C2CD3: variants seen among roughly 807,000 people sequenced by gnomAD.
C2CD3 encodes the protein C2 domain containing 3 centriole elongation regulator.
Under a neutral mutation model 234.0 loss-of-function variants are expected in C2CD3, and 148 were observed. That is an observed-to-expected ratio of 0.63 (90% confidence interval 0.55 to 0.72). The LOEUF is 0.72. Among genes scored for constraint, C2CD3 ranks in the 30% least tolerant of loss-of-function variants. The probability of loss-of-function intolerance (pLI) is 0.00; values close to 1 mark genes in which losing one functional copy is unlikely to be tolerated. For missense variants in C2CD3, 2,577 were observed against 2,811.5 expected (o/e 0.92, Z 1.89); for synonymous variants, 1,000 against 1,035.4 (o/e 0.97, Z 0.66).
chr11:74,168,667 A>G (rs899764790), intron 1 of C2CD3, 54 bp from the exon 2 acceptor site: 25 of 1,480,878 alleles, frequency 1.7e-5, no homozygotes, highest in Admixed American at 7.7e-5. Flanking sequence ...TATAGAAAAC[A>G]TATAATATGC....
chr11:74,113,743 G>A (rs1026364682), intron 11 of C2CD3, 37 bp downstream of exon 11: 1 of 1,116,564 alleles, frequency 9.0e-7, no homozygotes. Context: ...TCCAAAGTCA[G>A]AATGTCTAAG....
chr11:74,062,725 A>C (rs1954305473), intron 24 of C2CD3, among the ~76,000 whole-genome samples: 1 of 151,912 alleles, frequency 6.6e-6, no homozygotes, highest in Non-Finnish European at 1.5e-5. Flanking sequence ...CTGGAGAAGC[A>C]AGAGCAAACA....
At chr11:74,084,852 A>G (rs1417317259) in intron 22 of C2CD3, 29 bp downstream of exon 22, 2 of 1,340,850 alleles carry the variant, frequency 1.5e-6, no homozygotes, top group Non-Finnish European at 2.1e-6. Context: ...AAAGGGTGGC[A>G]TCAGAAAGTG....
At chr11:74,167,431 A>AT (rs977287552) in intron 2 of C2CD3, among the ~76,000 whole-genome samples, 20 of 152,254 alleles carry the variant, frequency 1.3e-4, no homozygotes, top group Admixed American at 9.8e-4. Flanking sequence ...AATTTTTTGG[A>AT]TTTTTTGTAA....
At chr11:74,013,790 C>G (rs699139) in intron 32 of C2CD3, among the ~76,000 whole-genome samples, 1 of 152,120 alleles carries the variant, frequency 6.6e-6, no homozygotes, top group Admixed American at 6.5e-5. Flanking sequence ...AGAGCTGGGA[C>G]GTGAACCCCA....
chr11:74,093,784 C>G, intron 18 of C2CD3, 32 bp downstream of exon 18: 1 of 1,580,506 alleles, frequency 6.3e-7, no homozygotes, highest in African/African-American at 1.3e-5. Context: ...CACTTCCTTC[C>G]TAGGCATAGG....
chr11:74,030,218 C>T (rs562680469), intron 31 of C2CD3, among the ~76,000 whole-genome samples: 5 of 152,074 alleles, frequency 3.3e-5, no homozygotes, highest in Non-Finnish European at 5.9e-5. Context: ...CTTTTTGTGC[C>T]GCAATTTCTC....
intron 3 of C2CD3, among the ~76,000 whole-genome samples, chr11:74,146,090 C>T (rs1050063168): frequency 1.3e-5 from 2 of 151,964 alleles, no homozygotes; most frequent in East Asian, 3.8e-4. Context: ...ATAATGAAAA[C>T]TGAATAAACA....
chr11:74,014,453 A>C (rs1367972735), intron 32 of C2CD3, among the ~76,000 whole-genome samples: 2 of 152,138 alleles, frequency 1.3e-5, no homozygotes, highest in Non-Finnish European at 2.9e-5. Flanking sequence ...CACTGAGAAG[A>C]AGCTTGGTGG....
chr11:74,125,296 T>C (rs1957372345), intron 7 of C2CD3, among the ~76,000 whole-genome samples: 1 of 152,128 alleles, frequency 6.6e-6, no homozygotes, highest in Non-Finnish European at 1.5e-5. Flanking sequence ...TCCCTAGTAG[T>C]AGCTAGGATT....
chr11:74,089,667 T>C (rs1955801498), intron 20 of C2CD3, among the ~76,000 whole-genome samples: 3 of 152,186 alleles, frequency 2.0e-5, no homozygotes, highest in Non-Finnish European at 4.4e-5. Context: ...TCTTTCTTAC[T>C]GGGTGCCTGT....
chr11:74,158,022 C>T (rs186190032), intron 3 of C2CD3, among the ~76,000 whole-genome samples: 81 of 152,288 alleles, frequency 5.3e-4, no homozygotes, highest in African/African-American at 1.8e-3. Context: ...TCTCATCATA[C>T]ATAAAAATAA....
intron 22 of C2CD3, among the ~76,000 whole-genome samples, chr11:74,083,904 A>C (rs1955516178): frequency 6.6e-6 from 1 of 152,182 alleles, no homozygotes; most frequent in South Asian, 2.1e-4. Context: ...AAGGATCTAG[A>C]AATAGAATTA....
At chr11:74,158,591 G>A (rs1176018651) in intron 3 of C2CD3, among the ~76,000 whole-genome samples, 3 of 151,930 alleles carry the variant, frequency 2.0e-5, no homozygotes, top group Non-Finnish European at 2.9e-5. Flanking sequence ...GCGTGTTGGT[G>A]CATGCCTGTA....
chr11:74,016,236 G>A (rs1422712088), intron 32 of C2CD3, among the ~76,000 whole-genome samples: 1 of 152,220 alleles, frequency 6.6e-6, no homozygotes, highest in Non-Finnish European at 1.5e-5. Flanking sequence ...AACAATCACA[G>A]AGATGAAGCT....
chr11:74,061,586 C>T (rs1954251423), intron 24 of C2CD3, among the ~76,000 whole-genome samples: 1 of 152,144 alleles, frequency 6.6e-6, no homozygotes, highest in Non-Finnish European at 1.5e-5. Flanking sequence ...AGATTTTTCT[C>T]ACCACCAGGC....
intron 32 of C2CD3, among the ~76,000 whole-genome samples, chr11:74,020,810 T>C (rs985946789): frequency 6.6e-6 from 1 of 152,228 alleles, no homozygotes; most frequent in African/African-American, 2.4e-5. Flanking sequence ...CCAGCTCTAG[T>C]TCTCCTATTC....
rs747838487 is a variant in C2CD3, at chr11:74,037,570, A to G, written c.5789T>C (p.Leu1930Pro). 7.4e-6 allele frequency: 12 copies of G among 1,614,152 alleles called. No individual in the cohort carries two copies. Among genetic ancestry groups the G allele is most frequent in the Admixed American group, 1.7e-5 (1 of 60,030 alleles). Residue 1930 changes from leucine to proline, a missense_variant, in exon 30 of 33, where the codon CTT (leucine) becomes CCT (proline). Transcript: ENST00000334126. ...GTCTAGGCTGCTGGCACCTGGCCCA[A>G]GATGGTCCCTACAGCTCTCCTGGTG... ...SQHQESCRDHLGPGASSLDPG... is the reference protein window; with the variant it reads ...SQHQESCRDHPGPGASSLDPG...
In C2CD3 at chr11:74,083,823, G is replaced by GA. The variant is rs1955510623; in HGVS notation, c.4000+1057dup. Among the ~76,000 whole-genome samples the GA allele has an allele frequency of 2.6e-5, 4 of 152,282 alleles. No homozygotes were observed. The South Asian group carries it at 6.2e-4, about 24-fold the overall frequency. ...TGCTGGAGAGGATGTGGAGAAATAG[G>GA]AACGCTTTTACACTGTTGGTGGGAG... On this transcript the variant is annotated intron_variant, in intron 22 of 32. Coordinates refer to ENST00000334126, the MANE Select transcript of C2CD3 (RefSeq NM_001286577.2).
Sources: gnomAD v4.1 joint callset for allele counts (sites outside exome capture counted in the v4.1 genomes callset) on GRCh38, gnomAD v4.1.1 for gene constraint, MANE v1.5 for transcripts, NCBI Gene and HGNC (gene_info 2026-07-23, HGNC 2026-07-21) for gene names.